Variants in SCUBE1 observed in about 807,000 individuals in gnomAD.
SCUBE1 encodes signal peptide, CUB and EGF-like domain-containing protein 1.
In SCUBE1, 59 loss-of-function variants were observed where a neutral mutation model predicts 124.4. The ratio of observed to expected loss-of-function variants is 0.47; its 90% CI spans 0.38 to 0.59. The LOEUF (loss-of-function observed/expected upper bound fraction) is 0.59. Among genes scored for constraint, SCUBE1 ranks in the 20% least tolerant of loss-of-function variants. The pLI is 0.00. For synonymous variants in SCUBE1, 545 were observed against 550.9 expected, an observed-to-expected ratio of 0.99 and a Z score of 0.15; for missense variants, 1,150 against 1,371.2, an observed-to-expected ratio of 0.84 and a Z score of 2.55.
intron 6 of SCUBE1, among the ~76,000 whole-genome samples, chr22:43,251,850 C>T (rs1923462202): frequency 6.6e-6 from 1 of 152,192 alleles, no homozygotes; most frequent in African/African-American, 2.4e-5. Flanking sequence ...CTATCCTAAG[C>T]ATGCTCCAGG....
chr22:43,218,241 G>A lies in SCUBE1; in HGVS notation c.1891+14C>T, dbSNP rs768128524. On this transcript the variant is annotated intron_variant, in intron 15 of 21. Coordinates refer to ENST00000360835, the MANE Select transcript of SCUBE1 (RefSeq NM_173050.5). ...ACAGAGTCAGCATCTGAGTGGCCAT[G>A]GGCAAGGACTCACCGCATTTGCTGT... 3 of 1,611,532 alleles carry A rather than the reference G, an allele frequency of 1.9e-6. No individual in the cohort carries two copies. The highest frequency in any genetic ancestry group is 2.2e-5 in the East Asian group (1 of 44,884).
intron 3 of SCUBE1, among the ~76,000 whole-genome samples, chr22:43,304,669 G>C (rs1410710592): frequency 6.6e-6 from 1 of 152,118 alleles, no homozygotes; most frequent in Admixed American, 6.5e-5. Flanking sequence ...TCATTTGACA[G>C]AGACTGCCTT....
At chr22:43,338,032 G>A (rs1334681850) in intron 2 of SCUBE1, among the ~76,000 whole-genome samples, 1 of 152,130 alleles carries the variant, frequency 6.6e-6, no homozygotes, top group East Asian at 1.9e-4. Flanking sequence ...TTTATACGAT[G>A]GGTGCAGACA....
In SCUBE1 at chr22:43,198,712, GA is replaced by G. The variant is rs1463768876; in HGVS notation, c.*5284del. 2.0e-5 allele frequency: 9 copies of G among 456,606 alleles called. No individual in the cohort carries two copies. The highest frequency in any genetic ancestry group is 1.9e-4 in the Admixed American group (8 of 42,558). The allele number at this position is 456,606 out of a possible 1,614,324, so 28.3% of individuals were successfully genotyped here. On this transcript the variant is annotated 3_prime_UTR_variant, in exon 22 of 22. Coordinates refer to ENST00000360835, the MANE Select transcript of SCUBE1 (RefSeq NM_173050.5). ...TTCCTGAGCATGGACCAGGGGAGGT[GA>G]AAATGGCTGGACTCCCTGGGTGAGA...
chr22:43,249,220 C>T (rs1923338950), intron 6 of SCUBE1, among the ~76,000 whole-genome samples: 1 of 146,342 alleles, frequency 6.8e-6, no homozygotes, highest in South Asian at 2.3e-4. Flanking sequence ...GGTGAATGTG[C>T]GGGGTGGGGA....
At chr22:43,301,027 T>C (rs1450674682) in intron 3 of SCUBE1, among the ~76,000 whole-genome samples, 1 of 152,166 alleles carries the variant, frequency 6.6e-6, no homozygotes, top group East Asian at 1.9e-4. Context: ...GCCCTCAGCC[T>C]TCCCCAGCTC....
rs200224183 is a variant in SCUBE1 at position 43,264,294 on chromosome 22, G to A, written c.485-1449C>T. Among the ~76,000 whole-genome samples, 28 of 152,300 alleles carry A rather than the reference G, an allele frequency of 1.8e-4. No individual in the cohort carries two copies. In the East Asian group the frequency reaches 5.0e-3, roughly 27 times the overall value. On this transcript the variant is annotated intron_variant, in intron 4 of 21. Transcript: ENST00000360835. ...CCTTTTCTGAGCCTAATCTTAGAAG[G>A]GGCAGGATCACCTCTGTCTCACAGA... is the stretch of plus-strand genomic sequence containing the variant.
chr22:43,202,075 G>C lies in SCUBE1; in HGVS notation c.*1922C>G, dbSNP rs925902191. Reference sequence around the variant, plus strand: ...TCCACTCTCTCTCCGACTTGAGTTGGACTTCAGCAGAGAAGGCAGCTGATG... The same window carrying C: ...TCCACTCTCTCTCCGACTTGAGTTGCACTTCAGCAGAGAAGGCAGCTGATG... On this transcript the variant is annotated 3_prime_UTR_variant, in exon 22 of 22. Transcript: ENST00000360835. The C allele has an allele frequency of 6.6e-6, 1 of 152,278 alleles. No individual in the cohort carries two copies. Among genetic ancestry groups the C allele is most frequent in the African/African-American group, 2.4e-5 (1 of 41,458 alleles). 9.4% of individuals were successfully genotyped at this position (152,278 alleles called of 1,614,324 possible). A position where few individuals can be genotyped will look rare whatever the true frequency, so the allele number is the denominator to read the frequency against.
Position 43,202,205 on chromosome 22 carries a change from G to A in SCUBE1, c.*1792C>T, listed in dbSNP as rs1474837341. ...TTTGGACTGTAGAATATGTGATCAC[G>A]GCCTACCTCGTCACCAAGCCCTGAA... On this transcript the variant is annotated 3_prime_UTR_variant, in exon 22 of 22. Transcript: ENST00000360835. 1.3e-5 allele frequency: 2 copies of A among 152,208 alleles called. No homozygotes were observed. The highest frequency in any genetic ancestry group is 2.1e-4 in the South Asian group (1 of 4,832). 9.4% of individuals were successfully genotyped at this position (152,208 alleles called of 1,614,324 possible).
intron 10 of SCUBE1, among the ~76,000 whole-genome samples, chr22:43,226,951 G>A (rs1480080699): frequency 5.9e-5 from 9 of 152,116 alleles, no homozygotes; most frequent in East Asian, 1.9e-4. Context: ...GCTGCACCCC[G>A]AGTGACCCTC....
At chr22:43,238,556 C>A (rs112886221) in intron 7 of SCUBE1, 3 of 600,196 alleles carry the variant, frequency 5.0e-6, no homozygotes, top group Non-Finnish European at 9.0e-6. Context: ...TTTAACCCAG[C>A]GTGCAGCCAA....
At chr22:43,262,947 A>C in intron 4 of SCUBE1, 102 bp from the exon 5 acceptor site, 1 of 1,279,252 alleles carries the variant, frequency 7.8e-7, no homozygotes, top group Non-Finnish European at 1.1e-6. Context: ...TAACAATCAA[A>C]TGGGCTGTCA....
intron 3 of SCUBE1, among the ~76,000 whole-genome samples, chr22:43,312,152 T>C (rs1174085197): frequency 6.6e-6 from 1 of 152,244 alleles, no homozygotes; most frequent in Non-Finnish European, 1.5e-5. Flanking sequence ...AATCCATTCA[T>C]TCATTTATTC....
intron 10 of SCUBE1, among the ~76,000 whole-genome samples, chr22:43,223,543 G>T (rs974495172): frequency 6.6e-6 from 1 of 152,208 alleles, no homozygotes; most frequent in Non-Finnish European, 1.5e-5. Context: ...GGAAAGGAAC[G>T]GCGCTAAATG....
At chr22:43,289,894 TG>T (rs67361832) in intron 4 of SCUBE1, among the ~76,000 whole-genome samples, 18,637 of 152,158 alleles carry the variant, frequency 0.12, 2,298 homozygotes, top group East Asian at 0.5. Context: ...AGCCCCTCTC[TG>T]AGCCTTCTGC....
intron 4 of SCUBE1, among the ~76,000 whole-genome samples, chr22:43,269,910 C>G (rs952445322): frequency 6.6e-6 from 1 of 152,158 alleles, no homozygotes; most frequent in Non-Finnish European, 1.5e-5. Context: ...ATGATGATGA[C>G]AACAGTGCAG....
intron 4 of SCUBE1, among the ~76,000 whole-genome samples, chr22:43,263,666 A>G (rs192821108): frequency 9.2e-5 from 14 of 152,350 alleles, no homozygotes; most frequent in African/African-American, 3.4e-4. Context: ...TAGATTTAAG[A>G]ACACAAACAC....
At position 43,225,819 on chromosome 22, in the gene SCUBE1, A is replaced by T. The variant is rs912516032; in HGVS notation, c.1207+1555T>A. Among the ~76,000 whole-genome samples, 3 of 151,982 alleles carry T rather than the reference A, an allele frequency of 2.0e-5. 1 individual carries two copies. Among genetic ancestry groups the T allele is most frequent in the Non-Finnish European group, 1.5e-5 (1 of 67,956 alleles). On this transcript the variant is annotated intron_variant, in intron 10 of 21. Coordinates refer to ENST00000360835, the MANE Select transcript of SCUBE1 (RefSeq NM_173050.5). ...CACCACAGAGCAATGACCCCCTAACACCCTCAATGAACAACGCTTTCCTGC... is the reference window on the plus strand; with the variant it reads ...CACCACAGAGCAATGACCCCCTAACTCCCTCAATGAACAACGCTTTCCTGC...
chr22:43,225,569 G>A (rs1193644105), intron 10 of SCUBE1, among the ~76,000 whole-genome samples: 1 of 151,386 alleles, frequency 6.6e-6, no homozygotes, highest in Non-Finnish European at 1.5e-5. Context: ...AAGGTCAGGA[G>A]GTCGAGACCA....
Sources: allele counts gnomAD v4.1 joint callset (sites outside exome capture counted in the v4.1 genomes callset), GRCh38; gene constraint gnomAD v4.1.1; transcripts MANE v1.5; gene names NCBI Gene and HGNC (gene_info 2026-07-23, HGNC 2026-07-21).